Variants in NRXN3 observed in about 807,000 individuals in gnomAD.
NRXN3 encodes neurexin 3, also known as neurexin III.
NRXN3 carries 32 observed loss-of-function variants against 137.6 expected under a neutral mutation model. The ratio of observed to expected loss-of-function variants is 0.23; its 90% CI spans 0.18 to 0.31. The LOEUF is 0.31. Among genes scored for constraint, NRXN3 ranks in the 10% least tolerant of loss-of-function variants. The pLI is 1.00. For missense variants in NRXN3, 1,574 were observed against 2,062.5 expected (o/e 0.76, Z 4.59); for synonymous variants, 798 against 784.5 (o/e 1.02, Z -0.29).
At chr14:79,713,073 A>G (rs1476327748) in intron 19 of NRXN3, among the ~76,000 whole-genome samples, 1 of 151,986 alleles carries the variant, frequency 6.6e-6, no homozygotes, top group African/African-American at 2.4e-5. Flanking sequence ...TAATAAATTT[A>G]AAAGCATCCG....
chr14:78,809,954 C>T (rs1352566322), intron 9 of NRXN3, among the ~76,000 whole-genome samples: 1 of 149,956 alleles, frequency 6.7e-6, no homozygotes, highest in Non-Finnish European at 1.5e-5. Flanking sequence ...CCTATTTTTC[C>T]AAGTTTGACA....
intron 16 of NRXN3, among the ~76,000 whole-genome samples, chr14:79,484,698 T>C (rs2096639668): frequency 6.6e-6 from 1 of 152,196 alleles, no homozygotes; most frequent in South Asian, 2.1e-4. Flanking sequence ...GGGTCATACC[T>C]TCACATATTA....
At chr14:79,559,200 A>G (rs1442735295) in intron 16 of NRXN3, among the ~76,000 whole-genome samples, 1 of 152,102 alleles carries the variant, frequency 6.6e-6, no homozygotes, top group African/African-American at 2.4e-5. Flanking sequence ...ACTTTTCTTT[A>G]AGAACTTTTT....
At chr14:79,290,573 A>C (rs1397298014) in intron 15 of NRXN3, among the ~76,000 whole-genome samples, 1 of 152,124 alleles carries the variant, frequency 6.6e-6, no homozygotes, top group Non-Finnish European at 1.5e-5. Context: ...GACCTGAAGA[A>C]ATGCATAAGC....
intron 19 of NRXN3, among the ~76,000 whole-genome samples, chr14:79,706,033 A>G (rs751978857): frequency 2.0e-5 from 3 of 152,256 alleles, no homozygotes; most frequent in South Asian, 2.1e-4. Context: ...AGGCCACACA[A>G]TATTTACAGG....
At chr14:79,444,947 A>G (rs765064769) in intron 15 of NRXN3, among the ~76,000 whole-genome samples, 6 of 152,240 alleles carry the variant, frequency 3.9e-5, no homozygotes, top group Admixed American at 6.5e-5. Flanking sequence ...CTGAACTCCA[A>G]GTAGCCCTGA....
chr14:78,920,187 G>A (rs566274111), intron 10 of NRXN3, among the ~76,000 whole-genome samples: 38 of 152,222 alleles, frequency 2.5e-4, no homozygotes, highest in African/African-American at 8.7e-4. Flanking sequence ...CACGCTGATG[G>A]AGCAGCCACA....
intron 20 of NRXN3, among the ~76,000 whole-genome samples, chr14:79,837,345 T>C (rs2099346224): frequency 6.6e-6 from 1 of 152,102 alleles, no homozygotes; most frequent in Admixed American, 6.6e-5. Flanking sequence ...GGCACTAAAA[T>C]GGGGCACAGA....
At chr14:78,593,695 G>A (rs1223665397) in intron 4 of NRXN3, among the ~76,000 whole-genome samples, 2 of 152,124 alleles carry the variant, frequency 1.3e-5, no homozygotes, top group African/African-American at 4.8e-5. Context: ...GCCAGAGGTC[G>A]AGGAGGGGGT....
intron 20 of NRXN3, among the ~76,000 whole-genome samples, chr14:79,819,615 G>A (rs1006937059): frequency 6.8e-5 from 10 of 147,044 alleles, no homozygotes; most frequent in African/African-American, 2.3e-4. Flanking sequence ...CGCCTGAGTA[G>A]CTGGGACTAA....
chr14:78,730,310 CT>C (rs34416901), intron 8 of NRXN3, among the ~76,000 whole-genome samples: 2 of 152,188 alleles, frequency 1.3e-5, no homozygotes, highest in African/African-American at 4.8e-5. Context: ...GGATGATACC[CT>C]TTTGTTCCCC....
At chr14:79,808,240 TAAAAAA>T (rs35474581) in intron 20 of NRXN3, among the ~76,000 whole-genome samples, 13 of 124,208 alleles carry the variant, frequency 1.0e-4, no homozygotes, top group African/African-American at 4.1e-4. Flanking sequence ...CTCTCTCAAT[TAAAAAA>T]AAAAAAAAAA....
At chr14:79,205,870 G>A (rs1231554466) in intron 15 of NRXN3, among the ~76,000 whole-genome samples, 1 of 152,022 alleles carries the variant, frequency 6.6e-6, no homozygotes, top group Non-Finnish European at 1.5e-5. Context: ...CTATTTCAAG[G>A]AACTTCAAAC....
chr14:78,603,103 C>A (rs1475944024), intron 4 of NRXN3, among the ~76,000 whole-genome samples: 1 of 151,836 alleles, frequency 6.6e-6, no homozygotes, highest in Non-Finnish European at 1.5e-5. Flanking sequence ...AATTTTCTCC[C>A]AAGAAAAAAT....
chr14:79,517,356 GA>G (rs1335441970), intron 16 of NRXN3, among the ~76,000 whole-genome samples: 1 of 152,064 alleles, frequency 6.6e-6, no homozygotes, highest in Admixed American at 6.6e-5. Flanking sequence ...ATTTCTACTA[GA>G]GAGACTAATC....
At chr14:78,340,801 G>A (rs986216425) in intron 4 of NRXN3, among the ~76,000 whole-genome samples, 16 of 152,290 alleles carry the variant, frequency 1.1e-4, no homozygotes, top group Admixed American at 2.0e-4. Flanking sequence ...CCAGATTCAT[G>A]GAGAGGAGAA....
At chr14:79,184,349 A>C (rs2063273589) in intron 15 of NRXN3, among the ~76,000 whole-genome samples, 1 of 152,224 alleles carries the variant, frequency 6.6e-6, no homozygotes, top group Non-Finnish European at 1.5e-5. Flanking sequence ...ATAAGATATA[A>C]AGAAAAAGAT....
chr14:78,878,154 C>G (rs1200872986), intron 10 of NRXN3, among the ~76,000 whole-genome samples: 1 of 152,044 alleles, frequency 6.6e-6, no homozygotes, highest in Non-Finnish European at 1.5e-5. Flanking sequence ...GTGAAATTTG[C>G]TTTGAATTAT....
intron 4 of NRXN3, among the ~76,000 whole-genome samples, chr14:78,612,564 G>A (rs768692638): frequency 1.3e-5 from 2 of 152,190 alleles, no homozygotes; most frequent in African/African-American, 2.4e-5. Context: ...ATAAGGCAAT[G>A]CAGTGCAGTG....
Sources: allele counts gnomAD v4.1 joint callset (sites outside exome capture counted in the v4.1 genomes callset), GRCh38; gene constraint gnomAD v4.1.1; transcripts MANE v1.5; gene names NCBI Gene and HGNC (gene_info 2026-07-23, HGNC 2026-07-21).